ZNF385D: variants seen among roughly 807,000 people sequenced by gnomAD.
ZNF385D encodes the protein zinc finger protein 659.
In ZNF385D, 15 loss-of-function variants were observed where a neutral mutation model predicts 35.8. That is an observed-to-expected ratio of 0.42 (90% confidence interval 0.28 to 0.64). The LOEUF (loss-of-function observed/expected upper bound fraction) is 0.64. Ranked by LOEUF, ZNF385D falls within the 30% of genes least tolerant of loss-of-function variation. The pLI is 0.23. For missense variants in ZNF385D, 474 were observed against 494.6 expected (o/e 0.96, Z 0.39); for synonymous variants, 212 against 186.8 (o/e 1.13, Z -1.10).
At chr3:21,825,179 A>T (rs956812552) in intron 3 of ZNF385D, among the ~76,000 whole-genome samples, 22 of 152,296 alleles carry the variant, frequency 1.4e-4, no homozygotes, top group African/African-American at 5.1e-4. Flanking sequence ...AACCAGAAAA[A>T]AATTCTGATT....
At chr3:21,558,022 T>A (rs896157222) in intron 3 of ZNF385D, among the ~76,000 whole-genome samples, 2 of 152,130 alleles carry the variant, frequency 1.3e-5, no homozygotes, top group Middle Eastern at 3.2e-3. Context: ...TTTTAGTGTG[T>A]CTATTTTATT....
intron 3 of ZNF385D, among the ~76,000 whole-genome samples, chr3:21,990,599 A>G (rs1479644637): frequency 6.6e-6 from 1 of 152,232 alleles, no homozygotes; most frequent in African/African-American, 2.4e-5. Context: ...TATGTGCTAT[A>G]AATTATAACT....
intron 3 of ZNF385D, among the ~76,000 whole-genome samples, chr3:22,028,792 T>A (rs1325391074): frequency 2.0e-5 from 3 of 152,190 alleles, no homozygotes; most frequent in Non-Finnish European, 4.4e-5. Flanking sequence ...ATGTTCCCCA[T>A]CATCTTGAAG....
chr3:21,998,592 T>A (rs1369308802), intron 3 of ZNF385D, among the ~76,000 whole-genome samples: 1 of 152,228 alleles, frequency 6.6e-6, no homozygotes, highest in Admixed American at 6.5e-5. Flanking sequence ...ATCAGCACCT[T>A]GAAGTATCAG....
At chr3:22,205,697 G>A (rs1431943627) in intron 2 of ZNF385D, among the ~76,000 whole-genome samples, 1 of 151,888 alleles carries the variant, frequency 6.6e-6, no homozygotes, top group Non-Finnish European at 1.5e-5. Flanking sequence ...TAAAATATGG[G>A]TTACAAGATA....
chr3:22,134,295 A>C (rs926981506), intron 3 of ZNF385D: 3 of 152,146 alleles, frequency 2.0e-5, no homozygotes, highest in African/African-American at 7.2e-5. Context: ...TTCAGAACAA[A>C]AAAATTACAA....
chr3:21,651,456 A>G (rs965029798), intron 2 of ZNF385D, among the ~76,000 whole-genome samples: 1 of 152,046 alleles, frequency 6.6e-6, no homozygotes, highest in South Asian at 2.1e-4. Flanking sequence ...TGATCACTAA[A>G]TTATATTGTG....
At chr3:22,305,382 G>T (rs983712215) in intron 2 of ZNF385D, among the ~76,000 whole-genome samples, 1 of 151,914 alleles carries the variant, frequency 6.6e-6, no homozygotes, top group Non-Finnish European at 1.5e-5. Context: ...TAGTTCTTGG[G>T]ATTACTAACT....
At position 22,007,019 on chromosome 3, in the gene ZNF385D, T is replaced by C. The variant is rs146889363; in HGVS notation, c.325+161798A>G. On this transcript the variant is annotated intron_variant, in intron 3 of 5. Transcript: ENST00000494108. The stretch of plus-strand genomic sequence containing the variant: ...GAAACTGGTGATGTTGTCAATTTGA[T>C]ATAGCATTAGACTCAATATCAGTTT... Among the ~76,000 whole-genome samples, 3 of 152,272 alleles carry C rather than the reference T, an allele frequency of 2.0e-5. No homozygotes were observed. The East Asian group carries it at 5.8e-4, about 29-fold the overall frequency.
chr3:21,987,515 G>C (rs1230643017), intron 3 of ZNF385D, among the ~76,000 whole-genome samples: 3 of 128,452 alleles, frequency 2.3e-5, no homozygotes, highest in African/African-American at 1.1e-4. Context: ...CTTCTGGCTT[G>C]TAGGGTTTCT....
chr3:22,173,824 T>C (rs1451135582), intron 2 of ZNF385D, among the ~76,000 whole-genome samples: 1 of 152,124 alleles, frequency 6.6e-6, no homozygotes, highest in Non-Finnish European at 1.5e-5. Flanking sequence ...TGTGACTAGG[T>C]AGGTAAATTC....
chr3:21,507,410 TA>T (rs1300109891), intron 4 of ZNF385D, among the ~76,000 whole-genome samples: 1 of 152,194 alleles, frequency 6.6e-6, no homozygotes, highest in Non-Finnish European at 1.5e-5. Context: ...AATGATTTGA[TA>T]AATTACTAAA....
chr3:22,266,834 G>A (rs551821762), intron 2 of ZNF385D, among the ~76,000 whole-genome samples: 28 of 151,958 alleles, frequency 1.8e-4, no homozygotes, highest in Non-Finnish European at 3.2e-4. Flanking sequence ...CACAGATACC[G>A]AAGCAAAGTC....
At position 21,419,877 on chromosome 3, in the gene ZNF385D, AC is replaced by A. The variant is rs979034194; in HGVS notation, c.*1336del. 3.7e-4 allele frequency: 57 copies of A among 152,012 alleles called. No individual in the cohort carries two copies. The highest frequency in any genetic ancestry group is 1.3e-3 in the African/African-American group (55 of 41,426). The allele number at this position is 152,012 out of a possible 1,614,324, so 9.4% of individuals were successfully genotyped here. On this transcript the variant is annotated 3_prime_UTR_variant, in exon 8 of 8. Transcript: ENST00000281523. ...ATACAATATACATATATTTATATAT[AC>A]CCCTGATAAATCTTGTTTTAAAGGT... is the stretch of plus-strand genomic sequence containing the variant.
At chr3:22,158,645 T>C (rs367606878) in intron 3 of ZNF385D, among the ~76,000 whole-genome samples, 96 of 152,000 alleles carry the variant, frequency 6.3e-4, no homozygotes, top group African/African-American at 2.2e-3. Context: ...ATTTAGTGAA[T>C]TGAATCTGTA....
chr3:22,062,478 T>A (rs1699742292), intron 3 of ZNF385D, among the ~76,000 whole-genome samples: 1 of 152,236 alleles, frequency 6.6e-6, no homozygotes, highest in Non-Finnish European at 1.5e-5. Context: ...TATAAAGGAC[T>A]TGCTTCTTGC....
rs557458346 is a variant in ZNF385D at position 22,133,793 on chromosome 3, C to G, written c.325+35024G>C. The G allele has an allele frequency of 3.9e-5, 6 of 151,912 alleles. No individual in the cohort carries two copies. In the East Asian group the frequency reaches 1.2e-3, roughly 30 times the overall value. The allele number at this position is 151,912 out of a possible 1,614,324, so 9.4% of individuals were successfully genotyped here. A position where few individuals can be genotyped will look rare whatever the true frequency, so the allele number is the denominator to read the frequency against. On this transcript the variant is annotated intron_variant, in intron 3 of 5. Transcript: ENST00000494108. ...ATTCCTTGCTCTGCACTAAGACAAG[C>G]AGAGGGGCCATCCTACTTTTCTCCA...
chr3:21,970,414 A>C (rs1333852507), intron 3 of ZNF385D, among the ~76,000 whole-genome samples: 2 of 152,166 alleles, frequency 1.3e-5, no homozygotes, highest in Non-Finnish European at 2.9e-5. Flanking sequence ...ACATACTGTA[A>C]AATGCATTAG....
chr3:22,013,034 C>A (rs1462166502), intron 3 of ZNF385D, among the ~76,000 whole-genome samples: 1 of 151,668 alleles, frequency 6.6e-6, no homozygotes, highest in Non-Finnish European at 1.5e-5. Flanking sequence ...ATTAGCAGAA[C>A]AAAAATTTAA....
Sources: allele counts gnomAD v4.1 joint callset (sites outside exome capture counted in the v4.1 genomes callset), GRCh38; gene constraint gnomAD v4.1.1; transcripts MANE v1.5; gene names NCBI Gene and HGNC (gene_info 2026-07-23, HGNC 2026-07-21).